The following CRACDL variants were observed in gnomAD, a reference collection of about 807,000 sequenced individuals.
CRACDL encodes the protein CRACD-like protein.
In CRACDL, 26 loss-of-function variants were observed where a neutral mutation model predicts 70.6. That is an observed-to-expected ratio of 0.37 (90% CI 0.27 to 0.51). The LOEUF (loss-of-function observed/expected upper bound fraction) is 0.51. CRACDL is among the 20% of genes least tolerant of loss of function. CRACDL has a pLI of 0.94. For missense variants in CRACDL, 1,283 were observed against 1,376.9 expected (o/e 0.93, Z 1.08); for synonymous variants, 618 against 615.2 (o/e 1.00, Z -0.07).
chr2:98,904,972 C>T (rs1028960618), intron 1 of CRACDL, among the ~76,000 whole-genome samples: 8 of 151,114 alleles, frequency 5.3e-5, no homozygotes, highest in African/African-American at 1.5e-4. Context: ...TGGGCCCGGC[C>T]GGGCGCGGTG....
At chr2:98,889,285 GAGAAAGAAAGAAAGAAAGAA>G (rs55635946) in intron 1 of CRACDL, among the ~76,000 whole-genome samples, 1,885 of 141,046 alleles carry the variant, frequency 0.013, 42 homozygotes, top group African/African-American at 0.042. Flanking sequence ...GAAAAAGAGA[GAGAAAGAAAGAAAGAAAGAA>G]AGAAAGAAAG....
intron 1 of CRACDL, among the ~76,000 whole-genome samples, chr2:98,865,271 C>T (rs900634474): frequency 6.6e-6 from 1 of 152,098 alleles, no homozygotes; most frequent in East Asian, 1.9e-4. Flanking sequence ...CCTACTCATC[C>T]TTCAGATTTC....
rs745842821 is a variant in CRACDL at position 98,833,083 on chromosome 2, G to C, written c.240-86C>G. The stretch of plus-strand genomic sequence containing the variant: ...CTCAGAATGAGAAAGAGGGATGTGA[G>C]TGAACAGAACATCAAACAACACTCC... On this transcript the variant is annotated intron_variant, in intron 3 of 9. Coordinates refer to ENST00000397899, the MANE Select transcript of CRACDL (RefSeq NM_207362.3). 1.4e-4 allele frequency: 177 copies of C among 1,275,938 alleles called. 1 individual carries two copies. Among genetic ancestry groups the C allele is most frequent in the Middle Eastern group, 7.2e-4 (3 of 4,146 alleles). The allele number at this position is 1,275,938 out of a possible 1,614,324, so 79.0% of individuals were successfully genotyped here.
At chr2:98,880,762 A>G (rs1007188364) in intron 1 of CRACDL, among the ~76,000 whole-genome samples, 5 of 152,108 alleles carry the variant, frequency 3.3e-5, no homozygotes, top group South Asian at 2.1e-4. Context: ...ACTTGCCCCA[A>G]TGGGTCCCGA....
rs139409113 is a variant in CRACDL, at chr2:98,930,847, G to A, written c.-11+5091C>T. 6.6e-3 allele frequency among the ~76,000 whole-genome samples: 998 copies of A among 152,156 alleles called. 13 individuals are homozygous for A. Among genetic ancestry groups the A allele is most frequent in the African/African-American group, 0.023 (953 of 41,468 alleles). ...TAGTTATAACAAATGCCCTTTAACCGTCTTACAAGAAAGACAATAAGAGAG... is the reference window on the plus strand; with the variant it reads ...TAGTTATAACAAATGCCCTTTAACCATCTTACAAGAAAGACAATAAGAGAG... On this transcript the variant is annotated intron_variant, in intron 1 of 9. Coordinates refer to ENST00000397899, the MANE Select transcript of CRACDL (RefSeq NM_207362.3).
rs1402489328 is a variant in CRACDL at position 98,822,107 on chromosome 2, G to A, written c.2166C>T (p.Leu722=). The change falls in exon 7 of 10, where the codon CTC becomes CTT. Residue 722 remains leucine, a synonymous_variant. Transcript: ENST00000397899. The surrounding 1 kb of genome is among the most constrained non-coding windows in gnomAD (Gnocchi z 4.9). Reference sequence around the variant, plus strand: ...CGAGGGGACACTTCTCCTCCTTCGGGAGCACGGTCAGCGACCTTTCTAACC... The same window carrying A: ...CGAGGGGACACTTCTCCTCCTTCGGAAGCACGGTCAGCGACCTTTCTAACC... ...EVRLERSLTV[L]PKEEKCPLGT... The A allele has an allele frequency of 7.6e-6, 12 of 1,575,538 alleles. No homozygotes were observed. Among genetic ancestry groups the A allele is most frequent in the African/African-American group, 1.4e-5 (1 of 74,032 alleles).
chr2:98,908,548 A>G (rs1195061534), intron 1 of CRACDL: 2 of 152,328 alleles, frequency 1.3e-5, no homozygotes, highest in African/African-American at 4.8e-5. Flanking sequence ...GAACAGAAAG[A>G]TTTTATCAGC....
intron 1 of CRACDL, among the ~76,000 whole-genome samples, chr2:98,916,847 G>A (rs1345645396): frequency 6.6e-6 from 1 of 152,206 alleles, no homozygotes; most frequent in Non-Finnish European, 1.5e-5. Flanking sequence ...CTGTTGCCCT[G>A]AGCAAGAGCC....
At chr2:98,831,239 G>A (rs758718005) in intron 5 of CRACDL, among the ~76,000 whole-genome samples, 2 of 152,142 alleles carry the variant, frequency 1.3e-5, no homozygotes, top group African/African-American at 2.4e-5. Flanking sequence ...TTCTCTAGCC[G>A]GCTTCATGTC....
rs754172525 is a variant in CRACDL at position 98,854,569 on chromosome 2, A to G, written c.-10-7759T>C. Reference sequence around the variant, plus strand: ...GGTAGAGAGAAAATATTCGTAAAAAATATCTTACAAAAATAAAACCACTTG... The same window carrying G: ...GGTAGAGAGAAAATATTCGTAAAAAGTATCTTACAAAAATAAAACCACTTG... On this transcript the variant is annotated intron_variant, in intron 1 of 9. Transcript: ENST00000397899. Among the ~76,000 whole-genome samples the G allele has an allele frequency of 7.9e-5, 12 of 152,144 alleles. No individual in the cohort carries two copies. In the East Asian group the frequency reaches 2.3e-3, roughly 29 times the overall value.
intron 1 of CRACDL, among the ~76,000 whole-genome samples, chr2:98,904,088 T>C (rs1352699053): frequency 6.6e-6 from 1 of 152,212 alleles, no homozygotes; most frequent in African/African-American, 2.4e-5. Flanking sequence ...CCTCAAATGC[T>C]GTGAGGACAG....
intron 1 of CRACDL, among the ~76,000 whole-genome samples, chr2:98,867,396 G>T (rs561872523): frequency 1.3e-5 from 2 of 152,132 alleles, no homozygotes; most frequent in African/African-American, 4.8e-5. Context: ...AAGCCTGCAC[G>T]AACACCCCTG....
At chr2:98,796,784 T>C (rs1166388344) in intron 8 of CRACDL, among the ~76,000 whole-genome samples, 1 of 152,098 alleles carries the variant, frequency 6.6e-6, no homozygotes, top group African/African-American at 2.4e-5. Context: ...ATACAAAAAT[T>C]GCGAGTCTCG....
At chr2:98,910,565 T>TAAATAAATA (rs1158264236) in intron 1 of CRACDL, among the ~76,000 whole-genome samples, 1 of 145,566 alleles carries the variant, frequency 6.9e-6, no homozygotes, top group African/African-American at 2.5e-5. Flanking sequence ...AATAAATAAA[T>TAAATAAATA]AATGCTCCTT....
chr2:98,810,494 G>C (rs1704508918), intron 7 of CRACDL, among the ~76,000 whole-genome samples: 3 of 152,150 alleles, frequency 2.0e-5, no homozygotes, highest in Admixed American at 6.5e-5. Flanking sequence ...GTAGGTGTCA[G>C]GTTAAAGATG....
Position 98,829,852 on chromosome 2 carries a change from G to A in CRACDL, c.540+2496C>T, listed in dbSNP as rs115367516. 3.6e-3 allele frequency among the ~76,000 whole-genome samples: 543 copies of A among 152,234 alleles called. 3 individuals carry two copies. The highest frequency in any genetic ancestry group is 0.014 in the Middle Eastern group (4 of 294). On this transcript the variant is annotated intron_variant, in intron 5 of 9. Coordinates refer to ENST00000397899, the MANE Select transcript of CRACDL (RefSeq NM_207362.3). Reference sequence around the variant, plus strand: ...GAAGCAGGGGGGCCTGGCTGTTCGAGGGGTGAAAAGAAGCCGCTGGTCCTG... The same window carrying A: ...GAAGCAGGGGGGCCTGGCTGTTCGAAGGGTGAAAAGAAGCCGCTGGTCCTG...
intron 2 of CRACDL, among the ~76,000 whole-genome samples, chr2:98,843,486 T>C (rs1706124102): frequency 6.6e-6 from 1 of 152,218 alleles, no homozygotes; most frequent in South Asian, 2.1e-4. Flanking sequence ...ATAACTATCT[T>C]CTGCTATGCT....
chr2:98,812,740 ATACTT>A (rs936204662), intron 7 of CRACDL, among the ~76,000 whole-genome samples: 17 of 151,802 alleles, frequency 1.1e-4, no homozygotes, highest in Non-Finnish European at 2.9e-5. Flanking sequence ...ACTTTAAAGA[ATACTT>A]TATATATTCT....
intron 1 of CRACDL, among the ~76,000 whole-genome samples, chr2:98,929,314 G>A (rs1709012655): frequency 2.0e-5 from 3 of 152,288 alleles, no homozygotes; most frequent in South Asian, 2.1e-4. Context: ...GGTCTGGGCC[G>A]ATGCCCTTGG....
Sources: gnomAD v4.1 joint callset for allele counts (sites outside exome capture counted in the v4.1 genomes callset) on GRCh38, gnomAD v4.1.1 for gene constraint, Gnocchi (gnomAD v3.1) non-coding constraint, MANE v1.5 for transcripts, NCBI Gene and HGNC (gene_info 2026-07-23, HGNC 2026-07-21) for gene names.